PAX3: variants seen among roughly 807,000 people sequenced by gnomAD.
PAX3 encodes the protein paired box 3.
A neutral mutation model predicts 51.6 loss-of-function variants in PAX3; 14 were observed. The ratio of observed to expected loss-of-function variants is 0.27; its 90% CI spans 0.18 to 0.42. The LOEUF (loss-of-function observed/expected upper bound fraction) is 0.42. Ranked by LOEUF, PAX3 falls within the 10% of genes least tolerant of loss-of-function variation. The pLI is 1.00. For synonymous variants in PAX3, 280 were observed against 253.4 expected, an observed-to-expected ratio of 1.11 and a Z score of -1.00; for missense variants, 540 against 642.8, an observed-to-expected ratio of 0.84 and a Z score of 1.73.
chr2:222,273,864 C>T (rs980372713), intron 4 of PAX3, among the ~76,000 whole-genome samples: 1 of 151,970 alleles, frequency 6.6e-6, no homozygotes, highest in Non-Finnish European at 1.5e-5. Flanking sequence ...ATGGCAAATT[C>T]GGTGCTGTAA....
At chr2:222,205,180 G>A (rs774290135) in intron 7 of PAX3, among the ~76,000 whole-genome samples, 1 of 152,146 alleles carries the variant, frequency 6.6e-6, no homozygotes, top group Non-Finnish European at 1.5e-5. Context: ...AGACCTTGAA[G>A]TATATCTATT....
At chr2:222,270,147 G>T (rs540876980) in intron 4 of PAX3, among the ~76,000 whole-genome samples, 1 of 152,202 alleles carries the variant, frequency 6.6e-6, no homozygotes, top group Non-Finnish European at 1.5e-5. Context: ...AATGATTACA[G>T]AGTGAAATAG....
intron 4 of PAX3, among the ~76,000 whole-genome samples, chr2:222,267,991 T>C (rs1473717998): frequency 6.6e-6 from 1 of 152,242 alleles, no homozygotes; most frequent in African/African-American, 2.4e-5. Context: ...AATAATGGAC[T>C]TTTTACAAAG....
At position 222,201,298 on chromosome 2, in the gene PAX3, A is replaced by ACCCCCCCCC. The variant is rs3832105; in HGVS notation, c.*109_*110insGGGGGGGGG. 6.3e-7 allele frequency: 1 copy of ACCCCCCCCC among 1,590,940 alleles called. No homozygotes were observed. Among genetic ancestry groups the ACCCCCCCCC allele is most frequent in the African/African-American group, 1.4e-5 (1 of 71,972 alleles). ...TGTCTCCTATTGGGACCACTGCCCC[A>ACCCCCCCCC]CCCCCCCCAACAAAAGGGTAATTTT... On this transcript the variant is annotated 3_prime_UTR_variant, in exon 9 of 9. Coordinates refer to ENST00000392070, the MANE Select transcript of PAX3 (RefSeq NM_181458.4).
At chr2:222,255,198 A>C (rs1693594154) in intron 4 of PAX3, among the ~76,000 whole-genome samples, 1 of 152,218 alleles carries the variant, frequency 6.6e-6, no homozygotes. Context: ...GGGGAAGATA[A>C]TGTGCAGCCT....
At position 222,280,838 on chromosome 2, in the gene PAX3, G is replaced by C. The variant is rs542454888; in HGVS notation, c.586+13329C>G. 1.6e-3 allele frequency among the ~76,000 whole-genome samples: 246 copies of C among 152,314 alleles called. 1 individual carries two copies. The highest frequency in any genetic ancestry group is 5.6e-3 in the African/African-American group (233 of 41,574). On this transcript the variant is annotated intron_variant, in intron 4 of 8. Transcript: ENST00000392070. ...ATAATGGGGACTTGCCCAGTACCCA[G>C]GCATTCCTCTAACCCCTGCACTCTT...
intron 3 of PAX3, 26 bp downstream of exon 3, chr2:222,295,502 C>A: frequency 6.2e-7 from 1 of 1,614,038 alleles, no homozygotes; most frequent in Non-Finnish European, 8.5e-7. Context: ...TGTCGCGCCT[C>A]GGGGAGAGGT....
intron 4 of PAX3, among the ~76,000 whole-genome samples, chr2:222,261,976 A>G (rs777528925): frequency 3.3e-5 from 5 of 152,192 alleles, no homozygotes; most frequent in Non-Finnish European, 5.9e-5. Flanking sequence ...CAGCACCCCA[A>G]ATAGCTTCTT....
intron 4 of PAX3, among the ~76,000 whole-genome samples, chr2:222,254,494 C>T (rs1693561818): frequency 6.6e-6 from 1 of 152,200 alleles, no homozygotes; most frequent in Non-Finnish European, 1.5e-5. Flanking sequence ...GGGTTTCCCA[C>T]AGTCACTAAG....
At chr2:222,229,175 C>G (rs1692491588) in intron 5 of PAX3, among the ~76,000 whole-genome samples, 1 of 149,450 alleles carries the variant, frequency 6.7e-6, no homozygotes, top group South Asian at 2.1e-4. Flanking sequence ...ATTTGTCTGC[C>G]CTTTTGATTG....
chr2:222,260,552 GTTTTTTTTTTTTGTTTTTTTTTTTTGT>G (rs1334901960), intron 4 of PAX3, among the ~76,000 whole-genome samples: 1 of 60,490 alleles, frequency 1.7e-5, no homozygotes, highest in Admixed American at 2.5e-4. Context: ...AGCAACACAA[GTTTTTTTTTTTTGTTTTTTTTTTTTGT>G]TTTTTTTTTT....
At chr2:222,260,788 G>A (rs950048295) in intron 4 of PAX3, among the ~76,000 whole-genome samples, 1 of 151,430 alleles carries the variant, frequency 6.6e-6, no homozygotes, top group Non-Finnish European at 1.5e-5. Context: ...ACGGGGTTTC[G>A]CCATGTTGGA....
chr2:222,217,977 G>C (rs1332238520), intron 7 of PAX3, among the ~76,000 whole-genome samples: 1 of 152,124 alleles, frequency 6.6e-6, no homozygotes, highest in Non-Finnish European at 1.5e-5. Flanking sequence ...CTTTAACTTT[G>C]CCTGAGGAAA....
intron 4 of PAX3, chr2:222,263,907 C>A (rs1015557783): frequency 2.0e-5 from 3 of 152,112 alleles, no homozygotes; most frequent in Admixed American, 1.3e-4. Context: ...CTGTATGATT[C>A]CACTTATAAG....
chr2:222,239,891 A>G (rs1159589058), intron 4 of PAX3, among the ~76,000 whole-genome samples: 1 of 151,980 alleles, frequency 6.6e-6, no homozygotes, highest in African/African-American at 2.4e-5. Context: ...TCTTTCAAGA[A>G]CACTAAATCT....
chr2:222,293,026 A>G (rs1574761438), intron 4 of PAX3, among the ~76,000 whole-genome samples: 1 of 152,356 alleles, frequency 6.6e-6, no homozygotes, highest in African/African-American at 2.4e-5. Flanking sequence ...GGCAATGAAG[A>G]TAAAAGAAGT....
intron 4 of PAX3, among the ~76,000 whole-genome samples, chr2:222,290,482 A>T (rs1694989156): frequency 6.6e-6 from 1 of 152,118 alleles, no homozygotes; most frequent in Non-Finnish European, 1.5e-5. Flanking sequence ...CAAACCTCCC[A>T]CGCTCACTTG....
At chr2:222,295,447 G>T (rs1695243957) in intron 3 of PAX3, 81 bp downstream of exon 3, 2 of 1,500,920 alleles carry the variant, frequency 1.3e-6, no homozygotes, top group African/African-American at 1.4e-5. Context: ...TCGATAATTG[G>T]GGTGATTACG....
chr2:222,286,006 C>T (rs1349409245), intron 4 of PAX3, among the ~76,000 whole-genome samples: 5 of 152,216 alleles, frequency 3.3e-5, no homozygotes, highest in Non-Finnish European at 7.3e-5. Context: ...AGCACGATCT[C>T]GGCTCACTGC....
Sources: gnomAD v4.1 joint callset for allele counts (sites outside exome capture counted in the v4.1 genomes callset) on GRCh38, gnomAD v4.1.1 for gene constraint, MANE v1.5 for transcripts, NCBI Gene and HGNC (gene_info 2026-07-23, HGNC 2026-07-21) for gene names.